Variants in KANSL1 observed in about 807,000 individuals in gnomAD.
The protein encoded by KANSL1 is KAT8 regulatory NSL complex subunit 1.
In KANSL1, 22 loss-of-function variants were observed where a neutral mutation model predicts 103.6. The observed-to-expected ratio is 0.21, with a 90% CI of 0.15 to 0.30. The LOEUF (loss-of-function observed/expected upper bound fraction) is 0.30, where lower values mean the gene tolerates loss of function less well. Among genes scored for constraint, KANSL1 ranks in the 10% least tolerant of loss-of-function variants. KANSL1 has a pLI of 1.00. For missense variants in KANSL1, 1,337 were observed against 1,399.8 expected (o/e 0.96, Z 0.72); for synonymous variants, 600 against 527.6 (o/e 1.14, Z -1.88).
Position 46,039,199 on chromosome 17 carries a change from T to C in KANSL1, c.2220A>G (p.Gln740=). ...FLTTAKLSHH[Q]TRPDRTHRQH... is the part of the protein sequence containing the mutation. Reference sequence around the variant, plus strand: ...GCCTGTGGGTCCTGTCAGGCCGGGTTTGGTGATGGGACAGCTCTGAAGAGG... The same window carrying C: ...GCCTGTGGGTCCTGTCAGGCCGGGTCTGGTGATGGGACAGCTCTGAAGAGG... Residue 740 remains glutamine (Q), a synonymous_variant, in exon 9 of 15, where the codon CAA becomes CAG. Coordinates refer to ENST00000432791, the MANE Select transcript of KANSL1 (RefSeq NM_015443.4). 1 of 1,589,704 alleles carries C rather than the reference T, an allele frequency of 6.3e-7. No individual in the cohort carries two copies. Among genetic ancestry groups the C allele is most frequent in the Non-Finnish European group, 8.5e-7 (1 of 1,171,666 alleles).
chr17:46,202,819 C>T (rs2047847253), intron 1 of KANSL1, among the ~76,000 whole-genome samples: 1 of 152,230 alleles, frequency 6.6e-6, no homozygotes, highest in Admixed American at 6.5e-5. Context: ...TCCAAATTCT[C>T]ACTATCACAT....
At chr17:46,146,825 T>TC in intron 2 of KANSL1, among the ~76,000 whole-genome samples, 2 of 75,124 alleles carry the variant, frequency 2.7e-5, no homozygotes, top group Non-Finnish European at 5.6e-5. Flanking sequence ...AGAGCGAGAC[T>TC]CCGTCTCAAA....
In KANSL1 at chr17:46,122,663, C is replaced by CTG. The variant is rs574900118; in HGVS notation, c.1290-27963_1290-27962insCA. Among the ~76,000 whole-genome samples, 93 of 152,328 alleles carry CTG rather than the reference C, an allele frequency of 6.1e-4. 1 individual carries two copies. The highest frequency in any genetic ancestry group is 1.1e-3 in the Non-Finnish European group (74 of 68,040). ...TATGGCAACCCTGCATCAAGCAAGT[C>CTG]TATTAGCGTCATTCTTCCAACAGCG... On this transcript the variant is annotated intron_variant, in intron 2 of 14. Coordinates refer to ENST00000432791, the MANE Select transcript of KANSL1 (RefSeq NM_015443.4).
intron 2 of KANSL1, among the ~76,000 whole-genome samples, chr17:46,114,193 T>C (rs2042943944): frequency 6.6e-6 from 1 of 152,138 alleles, no homozygotes; most frequent in Non-Finnish European, 1.5e-5. Flanking sequence ...ACCCCGTCTC[T>C]ACTAAAAATA....
chr17:46,045,998 C>T (rs2077491915), intron 7 of KANSL1: 1 of 152,170 alleles, frequency 6.6e-6, no homozygotes, highest in South Asian at 2.1e-4. Context: ...AGTAACCCAA[C>T]AAACATTCCT....
At chr17:46,148,579 CCTTCA>C (rs900851553) in intron 2 of KANSL1, among the ~76,000 whole-genome samples, 1 of 151,688 alleles carries the variant, frequency 6.6e-6, no homozygotes, top group African/African-American at 2.4e-5. Context: ...TCACCATCCT[CCTTCA>C]CTTACCTTTT....
At chr17:46,105,214 G>A (rs116952167) in intron 2 of KANSL1, among the ~76,000 whole-genome samples, 2,870 of 152,328 alleles carry the variant, frequency 0.019, 25 homozygotes, top group Middle Eastern at 0.041. Context: ...CCATTCCAGA[G>A]CAGCTCCTCC....
chr17:46,084,343 T>C (rs915035045), intron 3 of KANSL1, among the ~76,000 whole-genome samples: 2 of 151,762 alleles, frequency 1.3e-5, no homozygotes, highest in Non-Finnish European at 2.9e-5. Flanking sequence ...GATCACACCA[T>C]TGCACACCAG....
At chr17:46,219,626 A>T in intron 1 of KANSL1, among the ~76,000 whole-genome samples, 1 of 152,392 alleles carries the variant, frequency 6.6e-6, no homozygotes, top group Middle Eastern at 3.4e-3. Context: ...TCAGCCTCCT[A>T]AAGTGCTAGG....
chr17:46,053,407 A>G (rs191945952), intron 6 of KANSL1, among the ~76,000 whole-genome samples: 10 of 152,310 alleles, frequency 6.6e-5, no homozygotes, highest in Admixed American at 5.9e-4. Flanking sequence ...TAAAAACTGT[A>G]AAGTACTAAT....
intron 2 of KANSL1, among the ~76,000 whole-genome samples, chr17:46,114,808 T>C (rs950933685): frequency 6.6e-6 from 1 of 152,250 alleles, no homozygotes; most frequent in Admixed American, 6.5e-5. Context: ...TTAATCCCAT[T>C]AAGGTTTATC....
At chr17:46,149,210 C>G (rs2044930104) in intron 2 of KANSL1, among the ~76,000 whole-genome samples, 1 of 151,850 alleles carries the variant, frequency 6.6e-6, no homozygotes, top group African/African-American at 2.4e-5. Flanking sequence ...CACGTGTTAG[C>G]CAGGATGGTC....
intron 2 of KANSL1, among the ~76,000 whole-genome samples, chr17:46,154,318 A>C (rs2045296625): frequency 6.6e-6 from 1 of 152,252 alleles, no homozygotes; most frequent in Non-Finnish European, 1.5e-5. Context: ...TTCCCCCCTC[A>C]GGGTTGCACT....
At chr17:46,057,480 C>T (rs544054212) in intron 6 of KANSL1, among the ~76,000 whole-genome samples, 39 of 152,076 alleles carry the variant, frequency 2.6e-4, no homozygotes, top group Admixed American at 5.2e-4. Context: ...AGAAATGATA[C>T]AAGTAGAATA....
At chr17:46,129,958 G>A (rs767615030) in intron 2 of KANSL1, among the ~76,000 whole-genome samples, 19 of 152,044 alleles carry the variant, frequency 1.2e-4, no homozygotes, top group Admixed American at 4.6e-4. Context: ...GGCCGACACA[G>A]GCAGATCATT....
Position 46,193,356 on chromosome 17 carries a change from T to TGGCGGCGGCGGCGGCGGC in KANSL1, c.-624_-623insGCCGCCGCCGCCGCCGCC. ...CCGGCTCGGCGAGCGGTGGCGGCGG[T>TGGCGGCGGCGGCGGCGGC]GGCGGCGGCACTGGGAAAATGGCGG... On this transcript the variant is annotated 5_prime_UTR_variant, in exon 1 of 15. Coordinates refer to ENST00000432791, the MANE Select transcript of KANSL1 (RefSeq NM_015443.4). 2 of 154,062 alleles carry TGGCGGCGGCGGCGGCGGC rather than the reference T, an allele frequency of 1.3e-5. 1 individual carries two copies. The highest frequency in any genetic ancestry group is 2.8e-5 in the Non-Finnish European group (2 of 70,924). 9.5% of individuals were successfully genotyped at this position (154,062 alleles called of 1,614,324 possible).
chr17:46,171,521 C>T lies in KANSL1; in HGVS notation c.623G>A (p.Cys208Tyr), dbSNP rs762448559. 2.5e-6 allele frequency: 4 copies of T among 1,613,828 alleles called. No homozygotes were observed. The South Asian group carries it at 4.4e-5, about 18-fold the overall frequency. ...ATCAAGGCTTCTATGTGGAAGAGTGCAATTGGTCATACCCCCCTTCAAGTC... is the reference window on the plus strand; with the variant it reads ...ATCAAGGCTTCTATGTGGAAGAGTGTAATTGGTCATACCCCCCTTCAAGTC... The part of the protein sequence containing the change: ...SGDLKGGMTN[C>Y]TLPHRSLDVE... The change falls in exon 2 of 15, where the codon TGC becomes TAC. Residue 208 changes from cysteine (C) to tyrosine (Y), a missense_variant. This residue lies in a region of KANSL1 where 557 missense variants were observed against 476.4 expected (regional missense o/e 1.17). Transcript: ENST00000432791.
intron 1 of KANSL1, among the ~76,000 whole-genome samples, chr17:46,211,042 GAT>G: frequency 6.6e-6 from 1 of 152,178 alleles, no homozygotes. Context: ...AGCCCACTGA[GAT>G]ATGAGTGTTA....
In KANSL1 at chr17:46,104,033, T is replaced by TAAAC. The variant is rs111421388; in HGVS notation, c.1290-9336_1290-9333dup. Among the ~76,000 whole-genome samples the TAAAC allele has an allele frequency of 1.2e-4, 19 of 152,128 alleles. No homozygotes were observed. The South Asian group carries it at 3.1e-3, about 25-fold the overall frequency. ...ACAGAGTGAGACTCTGTCTCAAAAA[T>TAAAC]AAACAAACAAACAAACAACCTTTAG... On this transcript the variant is annotated intron_variant, in intron 2 of 14. Transcript: ENST00000432791.
Sources: gnomAD v4.1 joint callset for allele counts (sites outside exome capture counted in the v4.1 genomes callset) on GRCh38, gnomAD v4.1.1 for gene constraint, gnomAD v4.1.1 regional missense constraint, MANE v1.5 for transcripts, NCBI Gene and HGNC (gene_info 2026-07-23, HGNC 2026-07-21) for gene names.